The following PGCKA1 variants were observed in gnomAD, a reference collection of about 807,000 sequenced individuals.
The protein encoded by PGCKA1 is PDCD10 and GCKIII kinases associated 1.
At chr4:37,543,570 G>A in the PGCKA1 span, among the ~76,000 whole-genome samples, 10 of 151,966 alleles carry the variant, frequency 6.6e-5, no homozygotes, top group Admixed American at 2.0e-4. Flanking sequence ...GGCTGGGCGC[G>A]GTGGCTCACA....
chr4:37,480,337 G>A, the PGCKA1 span, among the ~76,000 whole-genome samples: 3 of 152,114 alleles, frequency 2.0e-5, no homozygotes, highest in Non-Finnish European at 4.4e-5. Flanking sequence ...TACTAAAAAT[G>A]CAAAAATTAG....
chr4:37,528,380 G>A, the PGCKA1 span, among the ~76,000 whole-genome samples: 977 of 152,264 alleles, frequency 6.4e-3, 22 homozygotes, highest in East Asian at 0.068. Context: ...CCAACCTGCA[G>A]CCGCATCTCA....
At chr4:37,515,017 G>A in the PGCKA1 span, among the ~76,000 whole-genome samples, 5 of 152,160 alleles carry the variant, frequency 3.3e-5, no homozygotes, top group Non-Finnish European at 7.3e-5. Flanking sequence ...CCATTGTTAT[G>A]GACTGAATGT....
chr4:37,500,353 T>A, the PGCKA1 span, among the ~76,000 whole-genome samples: 1 of 152,268 alleles, frequency 6.6e-6, no homozygotes, highest in Non-Finnish European at 1.5e-5. Context: ...GCTTCTTGAT[T>A]TCTGCCTTAG....
the PGCKA1 span, among the ~76,000 whole-genome samples, chr4:37,480,546 T>C: frequency 6.6e-6 from 1 of 152,174 alleles, no homozygotes; most frequent in Non-Finnish European, 1.5e-5. Context: ...GCCAATGCGG[T>C]CAGGAGCACT....
At chr4:37,584,981 G>C in the PGCKA1 span, among the ~76,000 whole-genome samples, 1 of 140,590 alleles carries the variant, frequency 7.1e-6, no homozygotes. Context: ...ACAGTTCTAA[G>C]CTCTTTTCTC....
the PGCKA1 span, among the ~76,000 whole-genome samples, chr4:37,459,144 G>GA: frequency 7.3e-5 from 11 of 150,510 alleles, no homozygotes; most frequent in South Asian, 2.1e-4. Context: ...AGTTTTGCGT[G>GA]AAAAAAAAAT....
chr4:37,589,861 A>C, the PGCKA1 span, among the ~76,000 whole-genome samples: 1 of 152,302 alleles, frequency 6.6e-6, no homozygotes, highest in East Asian at 1.9e-4. Flanking sequence ...CGAACTCCTG[A>C]CCTCAAGTGA....
the PGCKA1 span, among the ~76,000 whole-genome samples, chr4:37,565,038 C>T: frequency 6.6e-6 from 1 of 152,136 alleles, no homozygotes; most frequent in African/African-American, 2.4e-5. Context: ...CTGCTCCAAA[C>T]AGGAGCCTAC....
the PGCKA1 span, among the ~76,000 whole-genome samples, chr4:37,541,440 G>A: frequency 8.5e-5 from 13 of 152,306 alleles, no homozygotes; most frequent in African/African-American, 2.9e-4. Context: ...TTGGGACAAT[G>A]ATAGACCCTT....
the PGCKA1 span, among the ~76,000 whole-genome samples, chr4:37,523,951 G>T: frequency 1.3e-5 from 2 of 152,154 alleles, no homozygotes; most frequent in African/African-American, 4.8e-5. Flanking sequence ...CCTCTCCAGG[G>T]CTTCAGCTCC....
At chr4:37,556,268 TG>T in the PGCKA1 span, among the ~76,000 whole-genome samples, 17 of 116,426 alleles carry the variant, frequency 1.5e-4, no homozygotes, top group African/African-American at 5.0e-4. Context: ...TGTTTTGTTT[TG>T]TTTTTTTGTT....
chr4:37,569,074 G>C, the PGCKA1 span, among the ~76,000 whole-genome samples: 1 of 151,770 alleles, frequency 6.6e-6, no homozygotes, highest in African/African-American at 2.4e-5. Context: ...TCCAGCCTGG[G>C]TGACAGAGTG....
the PGCKA1 span, among the ~76,000 whole-genome samples, chr4:37,572,066 T>TTTTC: frequency 9.6e-6 from 1 of 104,216 alleles, no homozygotes; most frequent in Non-Finnish European, 2.1e-5. Flanking sequence ...TTTTTTTCTT[T>TTTTC]TTTTTTTTTT....
At chr4:37,494,060 T>G in the PGCKA1 span, among the ~76,000 whole-genome samples, 1 of 152,332 alleles carries the variant, frequency 6.6e-6, no homozygotes, top group South Asian at 2.1e-4. Context: ...CTCTTTGATA[T>G]CCTAATTTCC....
chr4:37,527,308 A>C, the PGCKA1 span, among the ~76,000 whole-genome samples: 1 of 152,178 alleles, frequency 6.6e-6, no homozygotes, highest in African/African-American at 2.4e-5. Flanking sequence ...ATATTTTAAA[A>C]TAAATGTAGT....
chr4:37,490,042 GAAAA>G, the PGCKA1 span, among the ~76,000 whole-genome samples: 2 of 151,764 alleles, frequency 1.3e-5, no homozygotes, highest in South Asian at 4.1e-4. Context: ...AAAGAGGATA[GAAAA>G]AAAGAGTGTC....
At chr4:37,578,124 G>C in the PGCKA1 span, among the ~76,000 whole-genome samples, 1 of 152,190 alleles carries the variant, frequency 6.6e-6, no homozygotes, top group African/African-American at 2.4e-5. Context: ...TGGAAGATCT[G>C]TCCAATGCTG....
the PGCKA1 span, among the ~76,000 whole-genome samples, chr4:37,473,374 A>G: frequency 5.9e-5 from 9 of 152,152 alleles, no homozygotes; most frequent in African/African-American, 2.2e-4. Context: ...AATCTAAAAT[A>G]TGTCATTGGA....
Sources: gnomAD v4.1 joint callset for allele counts (sites outside exome capture counted in the v4.1 genomes callset) on GRCh38, gnomAD v4.1.1 for gene constraint, MANE v1.5 for transcripts, NCBI Gene and HGNC (gene_info 2026-07-23, HGNC 2026-07-21) for gene names.